Variants in KIAA0825 observed in about 807,000 individuals in gnomAD.
KIAA0825 encodes uncharacterized protein KIAA0825.
Under a neutral mutation model 147.6 loss-of-function variants are expected in KIAA0825, and 119 were observed. The ratio of observed to expected loss-of-function variants is 0.81; its 90% CI spans 0.69 to 0.94. The LOEUF (loss-of-function observed/expected upper bound fraction) is 0.94. Ranked by LOEUF, KIAA0825 falls within the 40% of genes least tolerant of loss-of-function variation. The pLI is 0.00. For missense variants in KIAA0825, 1,381 were observed against 1,472.7 expected (o/e 0.94, Z 1.02); for synonymous variants, 470 against 518.1 (o/e 0.91, Z 1.26).
intron 15 of KIAA0825, among the ~76,000 whole-genome samples, chr5:94,404,257 G>C (rs1751759489): frequency 6.6e-6 from 1 of 152,034 alleles, no homozygotes; most frequent in Admixed American, 6.6e-5. Context: ...TGGTATTTCT[G>C]TCTATACAAT....
intron 3 of KIAA0825, among the ~76,000 whole-genome samples, chr5:94,529,483 C>G (rs1198357141): frequency 7.0e-6 from 1 of 143,084 alleles, no homozygotes; most frequent in Admixed American, 7.2e-5. Context: ...TATATAGATA[C>G]ACTAAGTAAA....
At chr5:94,596,441 T>C (rs1017790809) in intron 1 of KIAA0825, among the ~76,000 whole-genome samples, 3 of 152,212 alleles carry the variant, frequency 2.0e-5, no homozygotes, top group African/African-American at 2.4e-5. Flanking sequence ...TTGGTCTATG[T>C]GTCTGTTTTT....
At chr5:94,444,792 A>G (rs937455877) in intron 13 of KIAA0825, among the ~76,000 whole-genome samples, 3 of 152,142 alleles carry the variant, frequency 2.0e-5, no homozygotes, top group African/African-American at 4.8e-5. Flanking sequence ...AATTCAGGGA[A>G]CCTAACATAG....
chr5:94,298,568 G>A (rs184469665), intron 20 of KIAA0825, among the ~76,000 whole-genome samples: 1 of 152,262 alleles, frequency 6.6e-6, no homozygotes. Flanking sequence ...CATAGGGAAT[G>A]TTTACACCTT....
chr5:94,417,733 TA>T (rs200349154), intron 14 of KIAA0825, among the ~76,000 whole-genome samples: 2 of 152,168 alleles, frequency 1.3e-5, no homozygotes, highest in African/African-American at 4.8e-5. Flanking sequence ...ACATTCATTC[TA>T]AAAAAATTTT....
intron 5 of KIAA0825, among the ~76,000 whole-genome samples, chr5:94,508,445 A>G (rs1038204505): frequency 6.6e-6 from 1 of 152,140 alleles, no homozygotes; most frequent in Non-Finnish European, 1.5e-5. Context: ...AATGTTCCCA[A>G]CCAAATCCCT....
chr5:94,190,758 T>C (rs964119186), intron 20 of KIAA0825, among the ~76,000 whole-genome samples: 3 of 152,108 alleles, frequency 2.0e-5, no homozygotes, highest in African/African-American at 4.8e-5. Flanking sequence ...TTGAATTGGC[T>C]GTTTGTGTTC....
chr5:94,331,551 T>C (rs1411901146), intron 20 of KIAA0825, among the ~76,000 whole-genome samples: 1 of 152,140 alleles, frequency 6.6e-6, no homozygotes, highest in East Asian at 1.9e-4. Flanking sequence ...GAAGAAACAA[T>C]TTACTCTGCA....
chr5:94,537,024 C>T lies in KIAA0825; in HGVS notation c.103G>A (p.Asp35Asn). ...GCAGCATTTTGTTCAATCTTTTCAT[C>T]AATGTCACTGAAGATCTGCTCAAAC... ...LEFEQIFSDI[D>N]EKIEQNAASI... Residue 35 changes from aspartate to asparagine, a missense_variant, in exon 3 of 21, where the codon GAT becomes AAT. Physicochemically the swap from Asp to Asn is conservative, Grantham distance 23. Coordinates refer to ENST00000682413, the MANE Select transcript of KIAA0825 (RefSeq NM_001145678.3). The T allele has an allele frequency of 6.2e-7, 1 of 1,605,538 alleles. No homozygotes were observed. The highest frequency in any genetic ancestry group is 2.2e-5 in the East Asian group (1 of 44,750).
chr5:94,521,028 C>T (rs1440645720), intron 4 of KIAA0825, 111 bp from the exon 5 acceptor site: 1 of 940,806 alleles, frequency 1.1e-6, no homozygotes, highest in Non-Finnish European at 1.5e-6. Context: ...CTCTAAAATT[C>T]CTTAAGATTT....
chr5:94,314,321 G>A (rs1025663104), intron 20 of KIAA0825, among the ~76,000 whole-genome samples: 1 of 151,634 alleles, frequency 6.6e-6, no homozygotes, highest in African/African-American at 2.4e-5. Context: ...CAGCAGTTTT[G>A]TTGTGCTTTG....
At chr5:94,443,666 A>T (rs771515872) in intron 13 of KIAA0825, among the ~76,000 whole-genome samples, 32 of 152,188 alleles carry the variant, frequency 2.1e-4, no homozygotes, top group Non-Finnish European at 4.3e-4. Context: ...CTACATTCAG[A>T]TATGTTTATG....
At position 94,474,959 on chromosome 5, in the gene KIAA0825, C is replaced by T. The variant is rs184553251; in HGVS notation, c.1228-1440G>A. ...AAAAAATTAGCCGGGCGTGGTGGCA[C>T]GTGCCTGTAGTCCCAGCTACTCAGG... On this transcript the variant is annotated intron_variant, in intron 7 of 20. Transcript: ENST00000682413. Among the ~76,000 whole-genome samples the T allele has an allele frequency of 4.8e-3, 731 of 152,004 alleles. 8 individuals are homozygous for T. Among genetic ancestry groups the T allele is most frequent in the African/African-American group, 0.016 (670 of 41,448 alleles).
At position 94,153,927 on chromosome 5, in the gene KIAA0825, T is replaced by C. The variant is rs1245041527; in HGVS notation, c.*80A>G. The C allele has an allele frequency of 1.1e-6, 1 of 928,992 alleles. No individual in the cohort carries two copies. Among genetic ancestry groups the C allele is most frequent in the African/African-American group, 1.6e-5 (1 of 60,790 alleles). 57.5% of individuals were successfully genotyped at this position (928,992 alleles called of 1,614,324 possible). On this transcript the variant is annotated 3_prime_UTR_variant, in exon 21 of 21. Coordinates refer to ENST00000682413, the MANE Select transcript of KIAA0825 (RefSeq NM_001145678.3). ...TCATGCTTCACAGCACATATGAGGT[T>C]CATTCTGACTATGGTAAAAAATCCT...
chr5:94,477,732 A>G (rs1762054317), intron 6 of KIAA0825, among the ~76,000 whole-genome samples: 1 of 152,154 alleles, frequency 6.6e-6, no homozygotes, highest in African/African-American at 2.4e-5. Flanking sequence ...TAAAAAACAC[A>G]AACTCTGAGA....
intron 1 of KIAA0825, among the ~76,000 whole-genome samples, chr5:94,610,967 A>C (rs1434979709): frequency 1.3e-5 from 2 of 151,906 alleles, no homozygotes; most frequent in African/African-American, 4.8e-5. Context: ...TGCTCCCTGG[A>C]AGGAAAATGG....
intron 3 of KIAA0825, among the ~76,000 whole-genome samples, chr5:94,529,515 C>T (rs999540321): frequency 6.6e-5 from 10 of 150,766 alleles, no homozygotes; most frequent in Admixed American, 5.3e-4. Flanking sequence ...ACAGAATGTA[C>T]ATATAATTCC....
chr5:94,470,020 T>C lies in KIAA0825; in HGVS notation c.1813A>G (p.Thr605Ala). 4 of 1,551,806 alleles carry C rather than the reference T, an allele frequency of 2.6e-6. No homozygotes were observed. The South Asian group carries it at 3.6e-5, about 14-fold the overall frequency. ...VTNYCVRVCA[T>A]SILQDAESHH... ...CTCTCAGCATCCTGTAAAATGCTTG[T>C]AGCACAAACTCTGACGCAGTAGTTC... The change falls in exon 10 of 21, where the codon ACA becomes GCA. Residue 605 changes from threonine (T) to alanine (A), a missense_variant. By Grantham distance (58) the Thr-to-Ala change is moderately conservative. Coordinates refer to ENST00000682413, the MANE Select transcript of KIAA0825 (RefSeq NM_001145678.3).
intron 20 of KIAA0825, among the ~76,000 whole-genome samples, chr5:94,196,039 T>C (rs1771101136): frequency 2.6e-5 from 4 of 152,184 alleles, no homozygotes; most frequent in African/African-American, 9.7e-5. Flanking sequence ...TCTGTCAGGG[T>C]ACATGCGATT....
Sources: gnomAD v4.1 joint callset for allele counts (sites outside exome capture counted in the v4.1 genomes callset) on GRCh38, gnomAD v4.1.1 for gene constraint, MANE v1.5 for transcripts, NCBI Gene and HGNC (gene_info 2026-07-23, HGNC 2026-07-21) for gene names.